The following AATF variants were observed in gnomAD, a reference collection of about 807,000 sequenced individuals.
AATF encodes protein AATF.
Under a neutral mutation model 63.7 loss-of-function variants are expected in AATF, and 48 were observed. The observed-to-expected ratio is 0.75, with a 90% CI of 0.60 to 0.96. The LOEUF (loss-of-function observed/expected upper bound fraction) is 0.96. Ranked by LOEUF, AATF falls within the 40% of genes least tolerant of loss-of-function variation. The probability of loss-of-function intolerance (pLI) is 0.00; values close to 1 mark genes in which losing one functional copy is unlikely to be tolerated. For missense variants in AATF, 639 were observed against 685.7 expected (o/e 0.93, Z 0.76); for synonymous variants, 258 against 247.7 (o/e 1.04, Z -0.39).
chr17:37,037,216 C>T (rs1298434120), intron 11 of AATF, among the ~76,000 whole-genome samples: 3 of 152,018 alleles, frequency 2.0e-5, no homozygotes, highest in African/African-American at 7.2e-5. Context: ...GGGGTTTCAC[C>T]ATGTTGGCCA....
Position 37,056,806 on chromosome 17 carries a change from C to T in AATF, c.*142C>T, listed in dbSNP as rs1303848691. On this transcript the variant is annotated 3_prime_UTR_variant, in exon 12 of 12. Transcript: ENST00000619387. ...GCGTTCCGAACCTGTGCCTAATACA[C>T]GCAAGGGCGCTGTCCCGCCCAACCC... 43 of 848,310 alleles carry T rather than the reference C, an allele frequency of 5.1e-5. No homozygotes were observed. Among genetic ancestry groups the T allele is most frequent in the Middle Eastern group, 3.3e-4 (1 of 3,020 alleles). The allele number at this position is 848,310 out of a possible 1,614,324, so 52.5% of individuals were successfully genotyped here. A position where few individuals can be genotyped will look rare whatever the true frequency, so the allele number is the denominator to read the frequency against.
At chr17:37,007,885 A>G (rs186374975) in intron 8 of AATF, among the ~76,000 whole-genome samples, 2 of 152,310 alleles carry the variant, frequency 1.3e-5, no homozygotes, top group African/African-American at 2.4e-5. Flanking sequence ...AGATAGTTCA[A>G]ACAGAATAAA....
At chr17:37,019,804 T>G (rs2071455739) in intron 9 of AATF, among the ~76,000 whole-genome samples, 1 of 152,184 alleles carries the variant, frequency 6.6e-6, no homozygotes, top group Admixed American at 6.5e-5. Flanking sequence ...AAGTAAAATA[T>G]TATGTGAATT....
intron 2 of AATF, among the ~76,000 whole-genome samples, chr17:36,951,269 G>A (rs1240392547): frequency 6.6e-6 from 1 of 152,168 alleles, no homozygotes; most frequent in East Asian, 1.9e-4. Flanking sequence ...AGTCCTTGAT[G>A]TAGTTCTGGG....
At chr17:36,975,109 G>A (rs944448753) in intron 4 of AATF, among the ~76,000 whole-genome samples, 3 of 152,072 alleles carry the variant, frequency 2.0e-5, no homozygotes, top group Non-Finnish European at 2.9e-5. Context: ...TTTCCCACTC[G>A]TAAAAGTGTC....
At chr17:37,050,735 T>C (rs545301920) in intron 11 of AATF, among the ~76,000 whole-genome samples, 47 of 152,154 alleles carry the variant, frequency 3.1e-4, no homozygotes, top group Non-Finnish European at 6.2e-4. Flanking sequence ...GATTCTGCAA[T>C]GTATGTATGG....
intron 8 of AATF, 190 bp from the exon 9 acceptor site, chr17:37,018,815 C>T: frequency 1.7e-6 from 1 of 587,932 alleles, no homozygotes; most frequent in Middle Eastern, 4.1e-4. Flanking sequence ...CTGCTATAGC[C>T]ACCTTTTTAA....
intron 10 of AATF, among the ~76,000 whole-genome samples, chr17:37,024,193 G>C (rs959092805): frequency 6.6e-6 from 1 of 152,186 alleles, no homozygotes; most frequent in African/African-American, 2.4e-5. Flanking sequence ...TGTGTGGGAG[G>C]TGTAGCAGTA....
intron 4 of AATF, among the ~76,000 whole-genome samples, chr17:36,973,887 G>A (rs559994345): frequency 5.3e-5 from 8 of 152,116 alleles, no homozygotes; most frequent in African/African-American, 1.4e-4. Flanking sequence ...CCTGGCCAAC[G>A]TGGTGAAACC....
chr17:36,953,096 ATGACCTTGGG>A lies in AATF; in HGVS notation c.495_504del (p.Asp165GlufsTer42), dbSNP rs1341234142. On this transcript the variant is annotated frameshift_variant, in exon 3 of 12. Coordinates refer to ENST00000619387, the MANE Select transcript of AATF (RefSeq NM_012138.4). LOFTEE classifies it high-confidence loss of function. ...TTTGAGAAATTTACCAAGGGAATGGATGACCTTGGGAGCAGTGAGGAGGAGGAAGACGAAG... is the reference window on the plus strand; with the variant it reads ...TTTGAGAAATTTACCAAGGGAATGGAAGCAGTGAGGAGGAGGAAGACGAAG... The A allele has an allele frequency of 6.2e-7, 1 of 1,614,186 alleles. No individual in the cohort carries two copies. The highest frequency in any genetic ancestry group is 1.1e-5 in the South Asian group (1 of 91,080).
At chr17:37,019,444 G>A (rs1233184093) in intron 9 of AATF, among the ~76,000 whole-genome samples, 1 of 152,130 alleles carries the variant, frequency 6.6e-6, no homozygotes, top group Admixed American at 6.5e-5. Flanking sequence ...CAGGTTCTTT[G>A]CTCTCAGTCG....
chr17:36,987,180 A>T (rs555674387), intron 5 of AATF, among the ~76,000 whole-genome samples: 25 of 142,004 alleles, frequency 1.8e-4, no homozygotes, highest in African/African-American at 6.7e-4. Flanking sequence ...TTGTAGAGAC[A>T]GGGTCTTGCT....
intron 4 of AATF, among the ~76,000 whole-genome samples, chr17:36,963,697 T>C (rs978228549): frequency 1.3e-5 from 2 of 152,258 alleles, no homozygotes; most frequent in Non-Finnish European, 2.9e-5. Flanking sequence ...CTTCTGTAAC[T>C]TTAGATAATT....
rs575987752 is a variant in AATF, at chr17:36,949,213, G to A, written c.88G>A (p.Glu30Lys). ...SEADPEADPE[E>K]ATAARVIDRF... ...GGCGGACCCTGAAGCGGACCCCGAGGAAGGTGAGGCCGGACTGGGGCAGGC... is the reference window on the plus strand; with the variant it reads ...GGCGGACCCTGAAGCGGACCCCGAGAAAGGTGAGGCCGGACTGGGGCAGGC... Residue 30 changes from glutamate (E) to lysine (K), a missense_variant, in exon 1 of 12, where the codon GAA becomes AAA. Physicochemically the swap from Glu to Lys is moderately conservative, Grantham distance 56. Coordinates refer to ENST00000619387, the MANE Select transcript of AATF (RefSeq NM_012138.4). 3.7e-4 allele frequency: 594 copies of A among 1,590,104 alleles called. 7 individuals carry two copies. In the South Asian group the frequency reaches 6.5e-3, roughly 17 times the overall value.
At chr17:36,991,801 G>A (rs2071217642) in intron 8 of AATF, among the ~76,000 whole-genome samples, 1 of 151,972 alleles carries the variant, frequency 6.6e-6, no homozygotes, top group Admixed American at 6.6e-5. Context: ...TAGCCAGGAG[G>A]GTCTCAATTT....
Position 36,953,848 on chromosome 17 carries a change from A to G in AATF, c.773A>G (p.Asp258Gly). 6.2e-7 allele frequency: 1 copy of G among 1,614,082 alleles called. No homozygotes were observed. The highest frequency in any genetic ancestry group is 8.5e-7 in the Non-Finnish European group (1 of 1,180,012). ...ACCACCAACCAGCTTCCTCAACCAG[A>G]TGTTTTCCCATTGTTCAAGGACAAA... is the stretch of plus-strand genomic sequence containing the variant. ...LLTTNQLPQP[D>G]VFPLFKDKGG... Residue 258 changes from aspartate to glycine, a missense_variant, in exon 4 of 12, where the codon GAT becomes GGT. Transcript: ENST00000619387.
chr17:36,952,839 C>T (rs766968292), intron 2 of AATF, 47 bp from the exon 3 acceptor site: 3 of 1,576,530 alleles, frequency 1.9e-6, no homozygotes, highest in Admixed American at 3.6e-5. Flanking sequence ...TTGGTATTTT[C>T]TCCAGGTAAT....
At chr17:36,961,096 A>G (rs2070943652) in intron 4 of AATF, among the ~76,000 whole-genome samples, 1 of 152,136 alleles carries the variant, frequency 6.6e-6, no homozygotes, top group Admixed American at 6.5e-5. Context: ...AGTATGTACT[A>G]TTTTCAAGCT....
intron 8 of AATF, among the ~76,000 whole-genome samples, chr17:37,018,649 C>T (rs1430050081): frequency 2.0e-5 from 3 of 152,120 alleles, no homozygotes; most frequent in African/African-American, 4.8e-5. Context: ...GCCACACGGC[C>T]CTTCCCACCT....
Sources: gnomAD v4.1 joint callset for allele counts (sites outside exome capture counted in the v4.1 genomes callset) on GRCh38, gnomAD v4.1.1 for gene constraint, MANE v1.5 for transcripts, NCBI Gene and HGNC (gene_info 2026-07-23, HGNC 2026-07-21) for gene names.